The following GABRB3 variants were observed in gnomAD, a reference collection of about 807,000 sequenced individuals.
GABRB3 encodes gamma-aminobutyric acid receptor subunit beta-3.
Under a neutral mutation model 52.1 loss-of-function variants are expected in GABRB3, and 14 were observed. That is an observed-to-expected ratio of 0.27 (90% CI 0.18 to 0.42). The LOEUF (loss-of-function observed/expected upper bound fraction) is 0.42, where lower values mean the gene tolerates loss of function less well. Ranked by LOEUF, GABRB3 falls within the 10% of genes least tolerant of loss-of-function variation. The pLI is 1.00. For missense variants in GABRB3, 307 were observed against 609.1 expected, an observed-to-expected ratio of 0.50 and a Z score of 5.22; for synonymous variants, 260 against 232.3, an observed-to-expected ratio of 1.12 and a Z score of -1.08.
intron 3 of GABRB3, among the ~76,000 whole-genome samples, chr15:26,622,782 A>G (rs936601245): frequency 6.6e-6 from 1 of 152,198 alleles, no homozygotes; most frequent in Non-Finnish European, 1.5e-5. Context: ...GATAGAGGAC[A>G]TCGATTTGTC....
At chr15:26,772,001 A>T (rs965716876) in intron 3 of GABRB3, 4 of 186,014 alleles carry the variant, frequency 2.2e-5, no homozygotes, top group African/African-American at 9.5e-5. Flanking sequence ...CCTCTTACCT[A>T]GAATATAGGA....
chr15:26,684,766 G>T (rs981563531), intron 3 of GABRB3, among the ~76,000 whole-genome samples: 1 of 152,142 alleles, frequency 6.6e-6, no homozygotes, highest in African/African-American at 2.4e-5. Flanking sequence ...AACACTGATG[G>T]ATTCAGCTCG....
chr15:26,637,101 C>G (rs947841359), intron 3 of GABRB3, among the ~76,000 whole-genome samples: 1 of 152,224 alleles, frequency 6.6e-6, no homozygotes, highest in Non-Finnish European at 1.5e-5. Flanking sequence ...TCAACATGCT[C>G]TGGCCCACTT....
intron 4 of GABRB3, chr15:26,615,169 G>A: frequency 1.9e-6 from 1 of 517,750 alleles, no homozygotes; most frequent in Non-Finnish European, 2.5e-6. Flanking sequence ...TTTACAAATA[G>A]AAGAAAACTT....
At chr15:26,745,292 A>C (rs1890307834) in intron 3 of GABRB3, among the ~76,000 whole-genome samples, 1 of 152,220 alleles carries the variant, frequency 6.6e-6, no homozygotes, top group Non-Finnish European at 1.5e-5. Context: ...AGAAAGTTTA[A>C]CATTTTTTTA....
chr15:26,577,311 G>A (rs1402522042), intron 6 of GABRB3, among the ~76,000 whole-genome samples: 4 of 152,106 alleles, frequency 2.6e-5, no homozygotes, highest in Admixed American at 2.0e-4. Context: ...TCAGGAGTTC[G>A]AGACCAGCCT....
At chr15:26,609,725 T>C (rs2140515729) in intron 4 of GABRB3, among the ~76,000 whole-genome samples, 1 of 152,332 alleles carries the variant, frequency 6.6e-6, no homozygotes, top group East Asian at 1.9e-4. Flanking sequence ...GCATGGTGAA[T>C]ATAGTTAATA....
intron 4 of GABRB3, chr15:26,590,178 T>C (rs1480951719): frequency 6.9e-6 from 1 of 144,690 alleles, no homozygotes; most frequent in Non-Finnish European, 1.5e-5. Flanking sequence ...TGCGAGAGCT[T>C]TATGGCTTCA....
rs574327956 is a variant in GABRB3, at chr15:26,750,848, A to G, written c.240+21554T>C. On this transcript the variant is annotated intron_variant, in intron 3 of 8. Coordinates refer to ENST00000311550, the MANE Select transcript of GABRB3 (RefSeq NM_000814.6). ...ATATTGAATGAATAAGAAAAAGTAC[A>G]TTTTTTTGCTAATTACTTAATGAAA... Among the ~76,000 whole-genome samples, 3 of 152,270 alleles carry G rather than the reference A, an allele frequency of 2.0e-5. No homozygotes were observed. The East Asian group carries it at 5.8e-4, about 29-fold the overall frequency.
In GABRB3 at chr15:26,712,706, G is replaced by C. The variant is rs975881521; in HGVS notation, c.240+59696C>G. On this transcript the variant is annotated intron_variant, in intron 3 of 8. Transcript: ENST00000311550. ...GTTGCTGCAGTGTGTGGAAGGCACTGGAAAGGCGAGGAGGGGGAGAGAAAG... is the reference window on the plus strand; with the variant it reads ...GTTGCTGCAGTGTGTGGAAGGCACTCGAAAGGCGAGGAGGGGGAGAGAAAG... Among the ~76,000 whole-genome samples, 3 of 152,298 alleles carry C rather than the reference G, an allele frequency of 2.0e-5. No homozygotes were observed. In the East Asian group the frequency reaches 5.8e-4, roughly 29 times the overall value.
intron 4 of GABRB3, chr15:26,616,178 T>G: frequency 1.1e-6 from 1 of 925,152 alleles, no homozygotes; most frequent in Non-Finnish European, 1.5e-6. Flanking sequence ...AAGGTGGGCC[T>G]TGGGGCCAAG....
intron 3 of GABRB3, among the ~76,000 whole-genome samples, chr15:26,673,655 G>C (rs1887968247): frequency 6.6e-6 from 1 of 152,214 alleles, no homozygotes; most frequent in Non-Finnish European, 1.5e-5. Flanking sequence ...CCCTCATTCA[G>C]AGCAAATCAG....
At chr15:26,556,615 AAATT>A (rs1294749499) in intron 8 of GABRB3, among the ~76,000 whole-genome samples, 1 of 152,216 alleles carries the variant, frequency 6.6e-6, no homozygotes, top group Non-Finnish European at 1.5e-5. Context: ...ATGCACAAAT[AAATT>A]AAGGTCAAGG....
chr15:26,571,846 G>A (rs575448202), intron 6 of GABRB3, among the ~76,000 whole-genome samples: 7 of 152,094 alleles, frequency 4.6e-5, no homozygotes, highest in Admixed American at 6.5e-5. Context: ...TCAAGAGATC[G>A]AGACCATCCT....
intron 3 of GABRB3, among the ~76,000 whole-genome samples, chr15:26,748,667 T>G (rs1476128215): frequency 1.3e-5 from 2 of 152,228 alleles, no homozygotes; most frequent in Non-Finnish European, 2.9e-5. Context: ...TTGATTAACT[T>G]TCTCTATTGG....
At chr15:26,555,048 G>A (rs1335142074) in intron 8 of GABRB3, among the ~76,000 whole-genome samples, 1 of 152,090 alleles carries the variant, frequency 6.6e-6, no homozygotes, top group East Asian at 1.9e-4. Context: ...GCTGGGTGTG[G>A]TGGCAGGTGC....
At chr15:26,764,459 T>A (rs1890941940) in intron 3 of GABRB3, among the ~76,000 whole-genome samples, 1 of 152,010 alleles carries the variant, frequency 6.6e-6, no homozygotes, top group African/African-American at 2.4e-5. Context: ...ATATCTGTAG[T>A]AAATGCTTCT....
At chr15:26,738,144 G>C (rs1236111420) in intron 3 of GABRB3, among the ~76,000 whole-genome samples, 1 of 152,134 alleles carries the variant, frequency 6.6e-6, no homozygotes. Context: ...GTGCAATGGT[G>C]TGACCTCGGC....
At chr15:26,585,071 C>G (rs934527430) in intron 4 of GABRB3, among the ~76,000 whole-genome samples, 1 of 152,158 alleles carries the variant, frequency 6.6e-6, no homozygotes, top group South Asian at 2.1e-4. Context: ...GAAGGTACAG[C>G]AAGTAGAGTT....
Sources: allele counts gnomAD v4.1 joint callset (sites outside exome capture counted in the v4.1 genomes callset), GRCh38; gene constraint gnomAD v4.1.1; transcripts MANE v1.5; gene names NCBI Gene and HGNC (gene_info 2026-07-23, HGNC 2026-07-21).